KLHL5: variants seen among roughly 807,000 people sequenced by gnomAD.
The protein encoded by KLHL5 is kelch-like protein 5.
In KLHL5, 48 loss-of-function variants were observed where a neutral mutation model predicts 77.7. The observed-to-expected ratio is 0.62, with a 90% confidence interval of 0.49 to 0.79. The LOEUF (loss-of-function observed/expected upper bound fraction) is 0.79, where lower values mean the gene tolerates loss of function less well. Among genes scored for constraint, KLHL5 ranks in the 30% least tolerant of loss-of-function variants. The pLI is 0.00. For missense variants in KLHL5, 723 were observed against 859.7 expected (o/e 0.84, Z 1.99); for synonymous variants, 260 against 297.0 (o/e 0.88, Z 1.28).
intron 5 of KLHL5, among the ~76,000 whole-genome samples, chr4:39,090,748 C>T (rs1577698332): frequency 6.6e-6 from 1 of 151,996 alleles, no homozygotes; most frequent in Admixed American, 6.6e-5. Context: ...CATGCCCAAC[C>T]TTTGTATGGC....
chr4:39,046,963 G>A (rs1038447631), intron 1 of KLHL5, among the ~76,000 whole-genome samples: 10 of 152,156 alleles, frequency 6.6e-5, no homozygotes, highest in African/African-American at 2.4e-4. Flanking sequence ...GCTCAAGTAA[G>A]TTTGAGATAA....
rs529927095 is a variant in KLHL5 at position 39,119,679 on chromosome 4, G to T, written c.2074-1331G>T. Among the ~76,000 whole-genome samples the T allele has an allele frequency of 3.3e-5, 5 of 152,316 alleles. No homozygotes were observed. The South Asian group carries it at 1.0e-3, about 32-fold the overall frequency. ...ATAGGCACTAAAATGAGATGACAAAGTCCTAAGCCACTACCCACCTCACTA... is the reference window on the plus strand; with the variant it reads ...ATAGGCACTAAAATGAGATGACAAATTCCTAAGCCACTACCCACCTCACTA... On this transcript the variant is annotated intron_variant, in intron 10 of 10. Coordinates refer to ENST00000504108, the MANE Select transcript of KLHL5 (RefSeq NM_015990.5).
At chr4:39,054,409 T>G (rs1314984228) in intron 1 of KLHL5, among the ~76,000 whole-genome samples, 2 of 152,226 alleles carry the variant, frequency 1.3e-5, no homozygotes, top group South Asian at 4.1e-4. Context: ...GGGGCAGGAA[T>G]GACCCCTGTT....
intron 1 of KLHL5, among the ~76,000 whole-genome samples, chr4:39,054,503 A>G (rs972739709): frequency 1.3e-5 from 2 of 152,224 alleles, no homozygotes; most frequent in African/African-American, 2.4e-5. Context: ...CACTTAAGAG[A>G]TAGTAGCTGC....
chr4:39,132,730 A>G, the KLHL5 span, among the ~76,000 whole-genome samples: 4 of 152,374 alleles, frequency 2.6e-5, no homozygotes, highest in South Asian at 8.3e-4. Flanking sequence ...AAATGCCCAC[A>G]GAAAATAGCA....
At chr4:39,068,437 C>G (rs1278122912) in intron 1 of KLHL5, among the ~76,000 whole-genome samples, 1 of 147,860 alleles carries the variant, frequency 6.8e-6, no homozygotes, top group Non-Finnish European at 1.5e-5. Context: ...CCAGAAAACA[C>G]TGTGTGTGTG....
At position 39,062,957 on chromosome 4, in the gene KLHL5, G is replaced by A; in HGVS notation, c.305G>A (p.Gly102Asp). Reference sequence around the variant, plus strand: ...GAGTTTACAGCAGAAGATTGTGGCGGTGCACATTGGCTGGATAGACCAGAA... The same window carrying A: ...GAGTTTACAGCAGAAGATTGTGGCGATGCACATTGGCTGGATAGACCAGAA... ...AFEFTAEDCG[G>D]AHWLDRPEVD... The change falls in exon 1 of 11, where the codon GGT becomes GAT. Residue 102 changes from glycine (G) to aspartate (D), a missense_variant. Physicochemically the swap from Gly to Asp is moderately conservative, Grantham distance 94. This residue lies in a region of KLHL5 where 221 missense variants were observed against 222.1 expected (regional missense o/e 1.00). Transcript: ENST00000504108. 1 of 1,614,158 alleles carries A rather than the reference G, an allele frequency of 6.2e-7. No homozygotes were observed.
rs112981116 is a variant in KLHL5 at position 39,078,674 on chromosome 4, G to A, written c.567-2429G>A. On this transcript the variant is annotated intron_variant, in intron 2 of 10. Transcript: ENST00000504108. ...CATGCCACTGCACTCCAGCCTGGGC[G>A]TGGAGACAGAGTGAGACTCTGTCTT... Among the ~76,000 whole-genome samples the A allele has an allele frequency of 8.9e-3, 1,358 of 152,188 alleles. 19 individuals are homozygous for A. Among genetic ancestry groups the A allele is most frequent in the African/African-American group, 0.031 (1,272 of 41,504 alleles).
chr4:39,058,015 G>A (rs909899225), upstream of KLHL5, among the ~76,000 whole-genome samples: 1 of 152,152 alleles, frequency 6.6e-6, no homozygotes, highest in African/African-American at 2.4e-5. Flanking sequence ...TCACAGACAA[G>A]ATTTGAGCGG....
chr4:39,063,626 C>A, intron 1 of KLHL5: 1 of 431,850 alleles, frequency 2.3e-6, no homozygotes, highest in Non-Finnish European at 4.7e-6. Flanking sequence ...ATGACAGCTA[C>A]TAATTCCTGT....
At chr4:39,139,432 C>T in the KLHL5 span, among the ~76,000 whole-genome samples, 1 of 151,948 alleles carries the variant, frequency 6.6e-6, no homozygotes, top group Non-Finnish European at 1.5e-5. Flanking sequence ...TTTTTCAGGG[C>T]AGTGAAACTA....
chr4:39,120,869 A>T, intron 10 of KLHL5, 141 bp from the exon 11 acceptor site: 1 of 636,966 alleles, frequency 1.6e-6, no homozygotes. Flanking sequence ...GGACCAGGCC[A>T]GAAACAGCGC....
chr4:39,071,552 A>G (rs774172834), intron 1 of KLHL5, among the ~76,000 whole-genome samples: 76 of 152,174 alleles, frequency 5.0e-4, no homozygotes, highest in Non-Finnish European at 9.3e-4. Context: ...AATCTGGGGA[A>G]TTACAAGGGT....
chr4:39,119,501 G>A (rs1723067290), intron 10 of KLHL5, among the ~76,000 whole-genome samples: 1 of 152,142 alleles, frequency 6.6e-6, no homozygotes, highest in South Asian at 2.1e-4. Context: ...CATGAGAATT[G>A]CTTGAACCCA....
At chr4:39,117,976 G>A (rs2381284) in intron 10 of KLHL5, among the ~76,000 whole-genome samples, 79,725 of 151,068 alleles carry the variant, frequency 0.53, 21,588 homozygotes, top group Non-Finnish European at 0.59. Context: ...CAAAAGAATC[G>A]CTTGAACTCA....
intron 5 of KLHL5, among the ~76,000 whole-genome samples, chr4:39,096,434 C>T (rs1444226281): frequency 6.6e-6 from 1 of 152,030 alleles, no homozygotes; most frequent in African/African-American, 2.4e-5. Flanking sequence ...TTAAAAAGCA[C>T]CAGTATTCCT....
At chr4:39,131,858 A>G in the KLHL5 span, among the ~76,000 whole-genome samples, 1 of 151,124 alleles carries the variant, frequency 6.6e-6, no homozygotes, top group Admixed American at 6.6e-5. Context: ...ACTGCAGTGC[A>G]GCCTGGGTGA....
upstream of KLHL5, among the ~76,000 whole-genome samples, chr4:39,059,926 C>G (rs757467840): frequency 4.6e-5 from 7 of 152,020 alleles, no homozygotes; most frequent in Admixed American, 2.6e-4. Context: ...AATGCACATA[C>G]CTTCAACCCA....
At chr4:39,128,199 C>A (rs1300658234), downstream of KLHL5, among the ~76,000 whole-genome samples, 2 of 152,132 alleles carry the variant, frequency 1.3e-5, no homozygotes, top group African/African-American at 4.8e-5. Context: ...TATTGTTATA[C>A]CTTCACATAA....
Sources: gnomAD v4.1 joint callset for allele counts (sites outside exome capture counted in the v4.1 genomes callset) on GRCh38, gnomAD v4.1.1 for gene constraint, gnomAD v4.1.1 regional missense constraint, MANE v1.5 for transcripts, NCBI Gene and HGNC (gene_info 2026-07-23, HGNC 2026-07-21) for gene names.